ANO3: variants seen among roughly 807,000 people sequenced by gnomAD.
The protein encoded by ANO3 is anoctamin 3, also known as anoctamin-3.
ANO3 carries 99 observed loss-of-function variants against 144.8 expected under a neutral mutation model. That is an observed-to-expected ratio of 0.68 (90% confidence interval 0.58 to 0.81). The LOEUF (loss-of-function observed/expected upper bound fraction) is 0.81, where lower values mean the gene tolerates loss of function less well. Ranked by LOEUF, ANO3 falls within the 30% of genes least tolerant of loss-of-function variation. ANO3 has a pLI of 0.00. For missense variants in ANO3, 905 were observed against 1,202.2 expected (o/e 0.75, Z 3.66); for synonymous variants, 414 against 392.6 (o/e 1.05, Z -0.64).
intron 1 of ANO3, among the ~76,000 whole-genome samples, chr11:26,416,740 A>C (rs1857600476): frequency 6.6e-6 from 1 of 151,968 alleles, no homozygotes; most frequent in African/African-American, 2.4e-5. Flanking sequence ...CAGTGAAATT[A>C]TTGGCTCTGC....
chr11:26,349,569 G>A (rs1855583697), intron 1 of ANO3, among the ~76,000 whole-genome samples: 1 of 151,942 alleles, frequency 6.6e-6, no homozygotes, highest in African/African-American at 2.4e-5. Flanking sequence ...GTTTTTTTGA[G>A]ACAGAGTCTT....
intron 1 of ANO3, among the ~76,000 whole-genome samples, chr11:26,230,397 C>A (rs539380941): frequency 6.9e-4 from 105 of 152,250 alleles, no homozygotes; most frequent in African/African-American, 2.1e-3. Context: ...GGTAGAGGGA[C>A]ATAAGGCAAT....
intron 17 of ANO3, among the ~76,000 whole-genome samples, chr11:26,603,662 A>C (rs1355168826): frequency 7.3e-6 from 1 of 137,260 alleles, no homozygotes; most frequent in South Asian, 2.7e-4. Context: ...TTTTTCTAGA[A>C]TACACATACA....
chr11:26,215,528 T>C (rs1362725126), intron 1 of ANO3, among the ~76,000 whole-genome samples: 2 of 151,950 alleles, frequency 1.3e-5, no homozygotes, highest in Non-Finnish European at 2.9e-5. Context: ...TTGTATATTT[T>C]CTTCCCCGAT....
intron 1 of ANO3, among the ~76,000 whole-genome samples, chr11:26,193,614 C>G (rs1470026324): frequency 6.6e-6 from 1 of 152,102 alleles, no homozygotes; most frequent in Non-Finnish European, 1.5e-5. Flanking sequence ...AAATTCTACC[C>G]AGAAAGTTCT....
At chr11:26,603,731 T>G (rs975908350) in intron 17 of ANO3, among the ~76,000 whole-genome samples, 1 of 152,176 alleles carries the variant, frequency 6.6e-6, no homozygotes, top group East Asian at 1.9e-4. Context: ...TATTGGTCCC[T>G]CAATAGTGAG....
At chr11:26,374,845 G>A (rs1856360929) in intron 1 of ANO3, among the ~76,000 whole-genome samples, 1 of 152,220 alleles carries the variant, frequency 6.6e-6, no homozygotes, top group South Asian at 2.1e-4. Context: ...CCAGGCTAGA[G>A]CAATTCTCCT....
intron 1 of ANO3, among the ~76,000 whole-genome samples, chr11:26,270,099 A>G (rs189442410): frequency 1.3e-3 from 195 of 152,232 alleles, no homozygotes; most frequent in African/African-American, 3.3e-3. Context: ...CAGTTCAAGT[A>G]TATTGTAAAT....
intron 17 of ANO3, among the ~76,000 whole-genome samples, chr11:26,602,833 G>A (rs12418403): frequency 0.12 from 17,967 of 151,490 alleles, 1,263 homozygotes; most frequent in African/African-American, 0.2. Context: ...ATTGATCAAC[G>A]TCCCCTCATG....
intron 17 of ANO3, among the ~76,000 whole-genome samples, chr11:26,612,055 T>C (rs1251765137): frequency 6.6e-6 from 1 of 152,168 alleles, no homozygotes; most frequent in East Asian, 1.9e-4. Context: ...TTTAATCCAT[T>C]TGGCTACTCA....
intron 1 of ANO3, among the ~76,000 whole-genome samples, chr11:26,334,483 A>G (rs2133891782): frequency 6.6e-6 from 1 of 152,362 alleles, no homozygotes; most frequent in Non-Finnish European, 1.5e-5. Context: ...ATTGCACATT[A>G]AAATGGAGAA....
At chr11:26,338,863 C>CT (rs1424702917) in intron 1 of ANO3, among the ~76,000 whole-genome samples, 1 of 152,142 alleles carries the variant, frequency 6.6e-6, no homozygotes, top group Non-Finnish European at 1.5e-5. Flanking sequence ...GACACACCAT[C>CT]TTTAAGAGCT....
intron 1 of ANO3, among the ~76,000 whole-genome samples, chr11:26,247,931 C>T (rs1176666967): frequency 1.3e-5 from 2 of 151,182 alleles, no homozygotes; most frequent in East Asian, 4.0e-4. Flanking sequence ...GGGGGTTTCA[C>T]CATGTTGGAC....
chr11:26,616,206 C>G (rs962880795), intron 17 of ANO3, among the ~76,000 whole-genome samples: 3 of 152,028 alleles, frequency 2.0e-5, no homozygotes, highest in African/African-American at 4.8e-5. Context: ...GTTAGAAATG[C>G]TAAATAAAAG....
chr11:26,464,476 T>A (rs1376758337), intron 4 of ANO3, among the ~76,000 whole-genome samples: 4 of 151,856 alleles, frequency 2.6e-5, no homozygotes, highest in Non-Finnish European at 4.4e-5. Context: ...CTGAAATAAT[T>A]AGAAAATGAA....
intron 6 of ANO3, among the ~76,000 whole-genome samples, chr11:26,523,430 C>T (rs1590456072): frequency 6.6e-6 from 1 of 152,224 alleles, no homozygotes; most frequent in African/African-American, 2.4e-5. Flanking sequence ...CAAAGTTAAG[C>T]TCCTACCTCT....
intron 14 of ANO3, among the ~76,000 whole-genome samples, chr11:26,568,331 C>T (rs1850678223): frequency 1.3e-5 from 2 of 151,986 alleles, no homozygotes; most frequent in Non-Finnish European, 2.9e-5. Context: ...GGACACACAG[C>T]TAGTAACTGA....
At chr11:26,586,264 T>A (rs1851271975) in intron 14 of ANO3, among the ~76,000 whole-genome samples, 3 of 151,836 alleles carry the variant, frequency 2.0e-5, no homozygotes, top group Admixed American at 6.6e-5. Context: ...AATATGTAAA[T>A]CCCCCTGATT....
chr11:26,619,495 A>G (rs1487563270), intron 17 of ANO3, among the ~76,000 whole-genome samples: 4 of 151,886 alleles, frequency 2.6e-5, no homozygotes, highest in Non-Finnish European at 4.4e-5. Context: ...ATTTTTTGAG[A>G]TGGAGTCTCA....
Sources: allele counts gnomAD v4.1 joint callset (sites outside exome capture counted in the v4.1 genomes callset), GRCh38; gene constraint gnomAD v4.1.1; transcripts MANE v1.5; gene names NCBI Gene and HGNC (gene_info 2026-07-23, HGNC 2026-07-21).